The following CES2 variants were observed in gnomAD, a reference collection of about 807,000 sequenced individuals.
CES2 encodes carboxylesterase 2, also known as cocaine esterase.
Under a neutral mutation model 52.1 loss-of-function variants are expected in CES2, and 42 were observed. That is an observed-to-expected ratio of 0.81 (90% confidence interval 0.63 to 1.04). The LOEUF is 1.04. Ranked by LOEUF, CES2 falls within the 50% of genes least tolerant of loss-of-function variation. The pLI is 0.00. For missense variants in CES2, 656 were observed against 724.3 expected (o/e 0.91, Z 1.08); for synonymous variants, 277 against 289.6 (o/e 0.96, Z 0.44).
intron 9 of CES2, 154 bp from the exon 10 acceptor site, chr16:66,942,485 AAAGAATCGC>A: frequency 1.2e-6 from 1 of 840,916 alleles, no homozygotes; most frequent in Non-Finnish European, 1.8e-6. Context: ...ATGACACAGC[AAAGAATCGC>A]AAGTCCTTTC....
At position 66,935,655 on chromosome 16, in the gene CES2, G is replaced by A. The variant is rs1194437039; in HGVS notation, c.20G>A (p.Arg7His). Residue 7 changes from arginine (R) to histidine (H), a missense_variant, in exon 1 of 12, where the codon CGT becomes CAT. Transcript: ENST00000317091. ...CCGACCATGCGGCTGCACAGACTTC[G>A]TGCGCGGCTGAGCGCGGTGGCCTGT... MRLHRL[R>H]ARLSAVACGL... The A allele has an allele frequency of 7.5e-6, 12 of 1,604,360 alleles. No homozygotes were observed. The highest frequency in any genetic ancestry group is 2.7e-5 in the African/African-American group (2 of 74,930).
In CES2 at chr16:66,940,683, T is replaced by C. The variant is rs1418959391; in HGVS notation, c.804T>C (p.Asp268=). ...CCGGCCTCATTGCCAGCTCAGCTGA[T>C]GTCATCTCCACGGTGAGTGCCCTCA... The part of the protein sequence containing the change: ...LLPGLIASSA[D]VISTVVANLS... The change falls in exon 5 of 12, where the codon GAT becomes GAC. Residue 268 remains aspartate, a synonymous_variant. Transcript: ENST00000317091. 6.2e-7 allele frequency: 1 copy of C among 1,614,130 alleles called. No homozygotes were observed. Among genetic ancestry groups the C allele is most frequent in the South Asian group, 1.1e-5 (1 of 91,086 alleles).
Position 66,943,343 on chromosome 16 carries a change from A to G in CES2, c.1465A>G (p.Lys489Glu). 1 of 1,614,020 alleles carries G rather than the reference A, an allele frequency of 6.2e-7. No homozygotes were observed. The highest frequency in any genetic ancestry group is 2.2e-5 in the East Asian group (1 of 44,884). ...GGAGCAGCTAAGCAGGAAGATGATG[A>G]AGTACTGGGCCAACTTTGCGAGAAA... ...EEEQLSRKMM[K>E]YWANFARNGN... Residue 489 changes from lysine (K) to glutamate (E), a missense_variant, in exon 11 of 12, where the codon AAG becomes GAG. Transcript: ENST00000317091. This position sits in a 1 kb window ranked among gnomAD's most constrained non-coding sequence, Gnocchi z 4.2.
chr16:66,942,243 T>A lies in CES2; in HGVS notation c.1276T>A (p.Phe426Ile). The A allele has an allele frequency of 1.9e-6, 3 of 1,610,602 alleles. No homozygotes were observed. Among genetic ancestry groups the A allele is most frequent in the Non-Finnish European group, 2.5e-6 (3 of 1,177,630 alleles). ...GATCCCTGCACTCCAAGTAGCACAT[T>A]TTCAGTGTGAGTATATTTGGACCAA... Reference protein sequence around the residue: ...FVIPALQVAHFQCSRAPVYFY... With the variant: ...FVIPALQVAHIQCSRAPVYFY... Residue 426 changes from phenylalanine to isoleucine, a missense_variant, in exon 9 of 12, where the codon TTT (phenylalanine) becomes ATT (isoleucine). By Grantham distance (21) the Phe-to-Ile change is conservative. Transcript: ENST00000317091.
At chr16:66,935,907 C>A in intron 1 of CES2, 196 bp downstream of exon 1, 1 of 1,449,572 alleles carries the variant, frequency 6.9e-7, no homozygotes, top group South Asian at 1.4e-5. Context: ...AAGGGTCGGG[C>A]TGGGGGACAC....
At chr16:66,942,526 G>A in intron 9 of CES2, 122 bp from the exon 10 acceptor site, 2 of 1,120,668 alleles carry the variant, frequency 1.8e-6, no homozygotes, top group South Asian at 1.6e-5. Context: ...CCCCAGCCTG[G>A]GGCTCCACAC....
In CES2 at chr16:66,944,322, AAAG is replaced by A. The variant is rs1473105047; in HGVS notation, c.*299_*301del. Reference sequence around the variant, plus strand: ...ACCCCTTCTCAAAAAAAAAAAAAAAAAAGAGAGAGTGTGTGATTAGAAGCTAAA... The same window carrying A: ...ACCCCTTCTCAAAAAAAAAAAAAAAAAGAGAGTGTGTGATTAGAAGCTAAA... On this transcript the variant is annotated 3_prime_UTR_variant, in exon 12 of 12. Transcript: ENST00000317091. The A allele has an allele frequency of 1.5e-3, 336 of 218,576 alleles. 6 individuals carry two copies. Among genetic ancestry groups the A allele is most frequent in the Middle Eastern group, 2.7e-3 (2 of 748 alleles). The allele number at this position is 218,576 out of a possible 1,614,324, so 13.5% of individuals were successfully genotyped here.
intron 2 of CES2, 49 bp downstream of exon 2, chr16:66,938,290 G>A (rs775608065): frequency 1.0e-5 from 14 of 1,362,966 alleles, no homozygotes; most frequent in Non-Finnish European, 1.5e-5. Flanking sequence ...GGGCAGGGGT[G>A]GGGGTGCTCT....
At chr16:66,935,446 G>T, upstream of CES2, 1 of 1,600,400 alleles carries the variant, frequency 6.2e-7, no homozygotes, top group South Asian at 1.1e-5. Context: ...ACCCACCTAT[G>T]ACTGCTCAGT....
At position 66,940,620 on chromosome 16, in the gene CES2, C is replaced by T. The variant is rs778134567; in HGVS notation, c.741C>T (p.Phe247=). Residue 247 remains phenylalanine, a synonymous_variant, in exon 5 of 12, where the codon TTC becomes TTT. Coordinates refer to ENST00000317091, the MANE Select transcript of CES2 (RefSeq NM_001365405.1). ...LVVSPISQGL[F]HGAIMESGVA... is the part of the protein sequence containing the mutation. ...TGTCCCCCATATCCCAAGGACTCTT[C>T]CACGGAGCCATCATGGAGAGTGGCG... 1.9e-6 allele frequency: 3 copies of T among 1,614,114 alleles called. No individual in the cohort carries two copies. In the African/African-American group the frequency reaches 4.0e-5, roughly 22 times the overall value.
chr16:66,937,163 G>A (rs1384545913), intron 1 of CES2, among the ~76,000 whole-genome samples: 1 of 152,102 alleles, frequency 6.6e-6, no homozygotes, highest in African/African-American at 2.4e-5. Context: ...GGCAACAGAT[G>A]GCGACCTTGT....
Position 66,943,658 on chromosome 16 carries a change from A to T in CES2, c.1494-181A>T. On this transcript the variant is annotated intron_variant, in intron 11 of 11. Transcript: ENST00000317091. The surrounding 1 kb of genome is among the most constrained non-coding windows in gnomAD (Gnocchi z 4.2). ...AGCTGGCTGCCCTCCCCCAACCCCC[A>T]CTGGTGCTGACACTAGCCAGAGGGA... is the stretch of plus-strand genomic sequence containing the variant. 1.7e-6 allele frequency: 1 copy of T among 585,348 alleles called. No homozygotes were observed. Among genetic ancestry groups the T allele is most frequent in the Non-Finnish European group, 3.0e-6 (1 of 333,468 alleles). 36.3% of individuals were successfully genotyped at this position (585,348 alleles called of 1,614,324 possible).
rs1323411068 is a variant in CES2 at position 66,943,501 on chromosome 16, C to T, written c.1493+130C>T. The stretch of plus-strand genomic sequence containing the variant: ...TCACATGATGGCCCCTTCCCCAGCT[C>T]CGGGACCCACTCAGACAGGGTGGGG... On this transcript the variant is annotated intron_variant, in intron 11 of 11. Coordinates refer to ENST00000317091, the MANE Select transcript of CES2 (RefSeq NM_001365405.1). The surrounding 1 kb of genome is among the most constrained non-coding windows in gnomAD (Gnocchi z 4.2). The T allele has an allele frequency of 7.5e-6, 7 of 928,076 alleles. No homozygotes were observed. In the Admixed American group the frequency reaches 8.4e-5, roughly 11 times the overall value. 57.5% of individuals were successfully genotyped at this position (928,076 alleles called of 1,614,324 possible).
At chr16:66,936,730 C>T (rs1002291333) in intron 1 of CES2, among the ~76,000 whole-genome samples, 2 of 152,130 alleles carry the variant, frequency 1.3e-5, no homozygotes, top group African/African-American at 4.8e-5. Flanking sequence ...TCTCTTCCAA[C>T]CCTTCCCCAA....
chr16:66,944,243 A>T lies in CES2; in HGVS notation c.*218A>T. 1 of 278,260 alleles carries T rather than the reference A, an allele frequency of 3.6e-6. No homozygotes were observed. The allele number at this position is 278,260 out of a possible 1,614,324, so 17.2% of individuals were successfully genotyped here. A position where few individuals can be genotyped will look rare whatever the true frequency, so the allele number is the denominator to read the frequency against. On this transcript the variant is annotated 3_prime_UTR_variant, in exon 12 of 12. Transcript: ENST00000317091. ...CAGCTATTGGGAAGGATGAGATGGG[A>T]GGATGGCTTGAGGCCAGAGGTTTGA...
rs1963195547 is a variant in CES2 at position 66,935,828 on chromosome 16, A to G, written c.76+117A>G. 3.2e-6 allele frequency: 5 copies of G among 1,571,492 alleles called. No homozygotes were observed. In the Admixed American group the frequency reaches 7.0e-5, roughly 22 times the overall value. On this transcript the variant is annotated intron_variant, in intron 1 of 11. Coordinates refer to ENST00000317091, the MANE Select transcript of CES2 (RefSeq NM_001365405.1). ...TGGGAGGTAGGAGCTGGTGGAGATG[A>G]CAGCGTGGAACTCGTGAGCCCCACG...
At chr16:66,935,484 C>T, upstream of CES2, 1 of 1,613,620 alleles carries the variant, frequency 6.2e-7, no homozygotes, top group Non-Finnish European at 8.5e-7. Flanking sequence ...CCCACCTTTC[C>T]CGGCCCAAGC....
intron 3 of CES2, 106 bp from the exon 4 acceptor site, chr16:66,940,116 C>T: frequency 1.4e-6 from 2 of 1,469,550 alleles, no homozygotes; most frequent in Non-Finnish European, 1.8e-6. Context: ...TGCTGGAGAT[C>T]TAATGGGGAG....
rs767219135 is a variant in CES2, at chr16:66,935,634, C to T, written c.-2C>T. 13 of 1,606,462 alleles carry T rather than the reference C, an allele frequency of 8.1e-6. No individual in the cohort carries two copies. Among genetic ancestry groups the T allele is most frequent in the Non-Finnish European group, 1.1e-5 (13 of 1,179,920 alleles). On this transcript the variant is annotated 5_prime_UTR_variant, in exon 1 of 12. Coordinates refer to ENST00000317091, the MANE Select transcript of CES2 (RefSeq NM_001365405.1). ...CAGCGAACCGAGACCAGCGAGCCGACCATGCGGCTGCACAGACTTCGTGCG... is the reference window on the plus strand; with the variant it reads ...CAGCGAACCGAGACCAGCGAGCCGATCATGCGGCTGCACAGACTTCGTGCG...
Sources: gnomAD v4.1 joint callset for allele counts (sites outside exome capture counted in the v4.1 genomes callset) on GRCh38, gnomAD v4.1.1 for gene constraint, Gnocchi (gnomAD v3.1) non-coding constraint, MANE v1.5 for transcripts, NCBI Gene and HGNC (gene_info 2026-07-23, HGNC 2026-07-21) for gene names.